MYO16: variants seen among roughly 807,000 people sequenced by gnomAD.
MYO16 encodes myosin XVI, also known as unconventional myosin-XVI.
Under a neutral mutation model 205.3 loss-of-function variants are expected in MYO16, and 94 were observed. That is an observed-to-expected ratio of 0.46 (90% CI 0.39 to 0.54). The LOEUF is 0.54. MYO16 is among the 20% of genes least tolerant of loss of function. The pLI is 0.00. For missense variants in MYO16, 2,315 were observed against 2,387.5 expected (o/e 0.97, Z 0.63); for synonymous variants, 988 against 954.0 (o/e 1.04, Z -0.66).
chr13:109,145,125 TG>T (rs1877268751), intron 32 of MYO16, among the ~76,000 whole-genome samples: 1 of 152,198 alleles, frequency 6.6e-6, no homozygotes, highest in African/African-American at 2.4e-5. Flanking sequence ...AGCAAGGAAT[TG>T]TAGTGCTTAC....
chr13:108,823,058 A>G, intron 8 of MYO16, 67 bp from the exon 9 acceptor site: 1 of 1,400,546 alleles, frequency 7.1e-7, no homozygotes, highest in Non-Finnish European at 9.7e-7. Context: ...GAATTATTGA[A>G]AGTAAATAGA....
intron 34 of MYO16, among the ~76,000 whole-genome samples, chr13:109,205,995 T>C (rs1477969759): frequency 2.6e-5 from 4 of 152,168 alleles, no homozygotes; most frequent in Non-Finnish European, 5.9e-5. Flanking sequence ...AATGAGCTCA[T>C]TGGATATTTT....
intron 1 of MYO16, among the ~76,000 whole-genome samples, chr13:108,600,615 G>T (rs1878727700): frequency 6.6e-6 from 1 of 152,130 alleles, no homozygotes; most frequent in East Asian, 1.9e-4. Flanking sequence ...AAAGGTAAAT[G>T]GTGGGGAAAA....
At chr13:108,927,762 G>A (rs1182497593) in intron 16 of MYO16, among the ~76,000 whole-genome samples, 1 of 152,182 alleles carries the variant, frequency 6.6e-6, no homozygotes, top group Admixed American at 6.5e-5. Context: ...ACTAACCCGA[G>A]CCATCATGAC....
chr13:108,806,017 G>T (rs908711812), intron 6 of MYO16, among the ~76,000 whole-genome samples: 6 of 151,998 alleles, frequency 3.9e-5, no homozygotes, highest in Non-Finnish European at 8.8e-5. Context: ...AGGGAGAGGT[G>T]GCAGGATCAC....
At chr13:108,768,229 T>G (rs540225872) in intron 4 of MYO16, among the ~76,000 whole-genome samples, 1 of 152,314 alleles carries the variant, frequency 6.6e-6, no homozygotes, top group African/African-American at 2.4e-5. Flanking sequence ...TCGGCTCCTT[T>G]GTGTTCCTAT....
intron 7 of MYO16, among the ~76,000 whole-genome samples, chr13:108,807,384 TC>T (rs1289317293): frequency 6.6e-6 from 1 of 151,934 alleles, no homozygotes; most frequent in Non-Finnish European, 1.5e-5. Context: ...AGAAAAAAAA[TC>T]ATATTGCGTG....
In MYO16 at chr13:108,739,188, C is replaced by T. The variant is rs575172331; in HGVS notation, c.507+11605C>T. On this transcript the variant is annotated intron_variant, in intron 4 of 34. Transcript: ENST00000457511. The stretch of plus-strand genomic sequence containing the variant: ...TTTGATCCTGTCATTATGATGTTAG[C>T]TGGTTATTTTGCTCATTAGTTGATG... 3.9e-5 allele frequency among the ~76,000 whole-genome samples: 6 copies of T among 152,226 alleles called. No individual in the cohort carries two copies. In the East Asian group the frequency reaches 1.2e-3, roughly 29 times the overall value.
chr13:108,811,757 C>A (rs2138995262), intron 7 of MYO16, among the ~76,000 whole-genome samples: 1 of 152,244 alleles, frequency 6.6e-6, no homozygotes, highest in Non-Finnish European at 1.5e-5. Context: ...TGTGCCTCCT[C>A]ACTGCCTCTC....
intron 1 of MYO16, 147 bp from the exon 2 acceptor site, chr13:108,665,739 G>T: frequency 1.3e-6 from 1 of 782,502 alleles, no homozygotes; most frequent in Non-Finnish European, 1.9e-6. Context: ...CTATAAAAAG[G>T]GCTTTGGATT....
chr13:108,578,645 G>A, the MYO16 span, among the ~76,000 whole-genome samples: 1 of 152,180 alleles, frequency 6.6e-6, no homozygotes, highest in African/African-American at 2.4e-5. Context: ...CCACTGGGAT[G>A]TCTGGCTGGA....
intron 32 of MYO16, among the ~76,000 whole-genome samples, chr13:109,157,750 T>C (rs1878142466): frequency 6.6e-6 from 1 of 152,130 alleles, no homozygotes; most frequent in Admixed American, 6.5e-5. Flanking sequence ...GTCAAAGGCT[T>C]TAACAAGTGA....
chr13:109,073,245 G>A (rs1259843323), intron 27 of MYO16, among the ~76,000 whole-genome samples: 1 of 150,708 alleles, frequency 6.6e-6, no homozygotes, highest in African/African-American at 2.4e-5. Context: ...AGGATTACAG[G>A]CACATGAGAC....
In MYO16 at chr13:108,815,410, G is replaced by A. The variant is rs558791368; in HGVS notation, c.868-4927G>A. On this transcript the variant is annotated intron_variant, in intron 7 of 34. Coordinates refer to ENST00000457511, the MANE Select transcript of MYO16 (RefSeq NM_001198950.3). ...AATCACATGGGACCTTAGAAGCAGA[G>A]CCTTGTTCTTGGCTGAGAGACAGAG... Among the ~76,000 whole-genome samples the A allele has an allele frequency of 2.7e-4, 41 of 152,296 alleles. 1 individual carries two copies. In the South Asian group the frequency reaches 8.5e-3, roughly 32 times the overall value.
At chr13:108,534,803 C>A in the MYO16 span, among the ~76,000 whole-genome samples, 273 of 149,788 alleles carry the variant, frequency 1.8e-3, 3 homozygotes, top group African/African-American at 6.2e-3. Flanking sequence ...CTTCTTCTTC[C>A]TTCCTTCCTC....
intron 4 of MYO16, among the ~76,000 whole-genome samples, chr13:108,769,263 C>T (rs1594279587): frequency 6.6e-6 from 1 of 152,284 alleles, no homozygotes; most frequent in East Asian, 1.9e-4. Flanking sequence ...AATTCCAAGA[C>T]ACCCTTGGTG....
At chr13:108,781,531 G>A (rs559143101) in intron 4 of MYO16, among the ~76,000 whole-genome samples, 19 of 152,296 alleles carry the variant, frequency 1.2e-4, no homozygotes, top group Admixed American at 5.2e-4. Context: ...ATTGCCTTCG[G>A]GGTCAGTAGC....
chr13:108,554,393 A>T, the MYO16 span, among the ~76,000 whole-genome samples: 1 of 152,162 alleles, frequency 6.6e-6, no homozygotes, highest in African/African-American at 2.4e-5. Flanking sequence ...CCCTTGAATT[A>T]CTACCTTTAT....
rs568668067 is a variant in MYO16 at position 108,709,771 on chromosome 13, T to C, written c.293-2890T>C. Among the ~76,000 whole-genome samples the C allele has an allele frequency of 2.4e-4, 33 of 135,454 alleles. 6 individuals are homozygous for C. Among genetic ancestry groups the C allele is most frequent in the African/African-American group, 7.1e-4 (26 of 36,572 alleles). 88.9% of individuals were successfully genotyped at this position (135,454 alleles called of 152,430 possible). Reference sequence around the variant, plus strand: ...TTTAGTTCACACTACTATCTTTATATGCGAAGAATAACCTATTTCTCTATT... The same window carrying C: ...TTTAGTTCACACTACTATCTTTATACGCGAAGAATAACCTATTTCTCTATT... On this transcript the variant is annotated intron_variant, in intron 2 of 34. Coordinates refer to ENST00000457511, the MANE Select transcript of MYO16 (RefSeq NM_001198950.3).
Sources: gnomAD v4.1 joint callset for allele counts (sites outside exome capture counted in the v4.1 genomes callset) on GRCh38, gnomAD v4.1.1 for gene constraint, MANE v1.5 for transcripts, NCBI Gene and HGNC (gene_info 2026-07-23, HGNC 2026-07-21) for gene names.